The following C1orf87 variants were observed in gnomAD, a reference collection of about 807,000 sequenced individuals.
The protein encoded by C1orf87 is chromosome 1 open reading frame 87, also known as uncharacterized protein C1orf87.
Under a neutral mutation model 60.5 loss-of-function variants are expected in C1orf87, and 58 were observed. That is an observed-to-expected ratio of 0.96 (90% CI 0.78 to 1.19). C1orf87 has a LOEUF of 1.19. C1orf87 is among the 50% of genes most tolerant of loss of function. The pLI is 0.00. For missense variants in C1orf87, 673 were observed against 638.6 expected (o/e 1.05, Z -0.58); for synonymous variants, 236 against 227.4 (o/e 1.04, Z -0.34).
At chr1:60,023,950 A>AT (rs1185168732) in intron 8 of C1orf87, among the ~76,000 whole-genome samples, 1 of 152,090 alleles carries the variant, frequency 6.6e-6, no homozygotes, top group South Asian at 2.1e-4. Flanking sequence ...AAGACATTGT[A>AT]TTTTTTATCT....
intron 3 of C1orf87, among the ~76,000 whole-genome samples, chr1:60,050,416 ATGGTGCCT>A (rs1318822341): frequency 1.3e-5 from 2 of 151,552 alleles, no homozygotes; most frequent in African/African-American, 4.8e-5. Context: ...GCTATAGTAA[ATGGTGCCT>A]TTTCCTCCAT....
chr1:60,002,460 C>T (rs1323647417), intron 9 of C1orf87, among the ~76,000 whole-genome samples: 3 of 152,062 alleles, frequency 2.0e-5, no homozygotes, highest in Non-Finnish European at 4.4e-5. Flanking sequence ...ATGTCCTTCA[C>T]CCACTTTTTG....
chr1:60,060,577 T>C (rs139801183), intron 2 of C1orf87, among the ~76,000 whole-genome samples: 1 of 152,190 alleles, frequency 6.6e-6, no homozygotes, highest in African/African-American at 2.4e-5. Context: ...TTGTAGTAGA[T>C]AGGAACTCAA....
intron 8 of C1orf87, among the ~76,000 whole-genome samples, chr1:60,016,701 A>G (rs1039249456): frequency 6.6e-6 from 1 of 152,204 alleles, no homozygotes; most frequent in Non-Finnish European, 1.5e-5. Context: ...AAGAGGTGGT[A>G]GAAGGGCTAC....
At chr1:60,041,175 G>C in intron 3 of C1orf87, 44 bp from the exon 4 acceptor site, 1 of 1,442,898 alleles carries the variant, frequency 6.9e-7, no homozygotes, top group South Asian at 1.5e-5. Context: ...CAGAAGAGGA[G>C]GTAGGGAAGA....
intron 9 of C1orf87, among the ~76,000 whole-genome samples, chr1:60,003,333 AG>A (rs1409668181): frequency 5.0e-5 from 4 of 79,762 alleles, no homozygotes; most frequent in Non-Finnish European, 4.6e-5. Flanking sequence ...GGGTGGGGGG[AG>A]GGGGGAGGGA....
rs1645379935 is a variant in C1orf87 at position 60,047,371 on chromosome 1, T to C, written c.343-6240A>G. 3.3e-5 allele frequency among the ~76,000 whole-genome samples: 5 copies of C among 152,212 alleles called. No individual in the cohort carries two copies. In the South Asian group the frequency reaches 8.3e-4, roughly 25 times the overall value. On this transcript the variant is annotated intron_variant, in intron 3 of 11. Transcript: ENST00000371201. ...AATCTATTGCAATTATTATTTTTAT[T>C]GATGCCCAAATTATGTCGCTTTCAA...
chr1:60,060,777 C>A (rs1396612375), intron 2 of C1orf87, among the ~76,000 whole-genome samples: 2 of 151,958 alleles, frequency 1.3e-5, no homozygotes, highest in Non-Finnish European at 2.9e-5. Context: ...AAAAAAACAA[C>A]CCAAACATTG....
intron 2 of C1orf87, among the ~76,000 whole-genome samples, chr1:60,064,809 T>C (rs1645529032): frequency 1.1e-5 from 1 of 93,060 alleles, no homozygotes; most frequent in East Asian, 2.8e-4. Flanking sequence ...TAATTATATT[T>C]AATATATATA....
chr1:60,061,776 C>CAAAAAAAAAA lies in C1orf87; in HGVS notation c.108-6348_108-6339dup, dbSNP rs57844722. On this transcript the variant is annotated intron_variant, in intron 2 of 11. Transcript: ENST00000371201. The stretch of plus-strand genomic sequence containing the variant: ...CAACATGGCCAAACCCCATCTCTAC[C>CAAAAAAAAAA]AAAAAAAAAAAAAAAAAAAAAAAAA... Among the ~76,000 whole-genome samples the CAAAAAAAAAA allele has an allele frequency of 5.6e-5, 3 of 53,172 alleles. 1 individual carries two copies. The highest frequency in any genetic ancestry group is 1.0e-4 in the Non-Finnish European group (3 of 29,290). 34.9% of individuals were successfully genotyped at this position (53,172 alleles called of 152,430 possible).
chr1:60,071,709 T>C (rs1053862301), intron 2 of C1orf87, among the ~76,000 whole-genome samples: 1 of 152,200 alleles, frequency 6.6e-6, no homozygotes, highest in African/African-American at 2.4e-5. Flanking sequence ...ATTTTTGAGG[T>C]CTCTCCCAGT....
intron 9 of C1orf87, among the ~76,000 whole-genome samples, chr1:60,007,172 A>G (rs1645052798): frequency 6.6e-6 from 1 of 152,038 alleles, no homozygotes; most frequent in Non-Finnish European, 1.5e-5. Context: ...TAGGCCTCTC[A>G]AAGTGTTAGG....
At chr1:60,065,135 C>T (rs1247089609) in intron 2 of C1orf87, among the ~76,000 whole-genome samples, 1 of 131,910 alleles carries the variant, frequency 7.6e-6, no homozygotes, top group Admixed American at 8.3e-5. Flanking sequence ...CATGAGGCAA[C>T]CTTATACAAA....
intron 5 of C1orf87, among the ~76,000 whole-genome samples, chr1:60,039,228 A>G (rs1175731376): frequency 6.6e-6 from 1 of 152,092 alleles, no homozygotes; most frequent in Non-Finnish European, 1.5e-5. Context: ...TGTGCTGTCT[A>G]TTGCTTTGCT....
intron 9 of C1orf87, among the ~76,000 whole-genome samples, chr1:60,006,204 C>G (rs1031479487): frequency 6.6e-6 from 1 of 151,964 alleles, no homozygotes; most frequent in African/African-American, 2.4e-5. Context: ...CCATATAGAG[C>G]CTGAAGATGA....
chr1:60,004,074 G>T (rs770871014), intron 9 of C1orf87, among the ~76,000 whole-genome samples: 2 of 152,002 alleles, frequency 1.3e-5, no homozygotes, highest in African/African-American at 2.4e-5. Context: ...TGAAAGAAAA[G>T]CTTTCTGTTT....
At position 59,990,737 on chromosome 1, in the gene C1orf87, C is replaced by A; in HGVS notation, c.1577G>T (p.Arg526Leu). The A allele has an allele frequency of 6.2e-7, 1 of 1,614,046 alleles. No homozygotes were observed. The highest frequency in any genetic ancestry group is 8.5e-7 in the Non-Finnish European group (1 of 1,179,976). Residue 526 changes from arginine (R) to leucine (L), a missense_variant, in exon 12 of 12, where the codon CGC becomes CTC. Arg to Leu is a moderately radical substitution (Grantham distance 102). Transcript: ENST00000371201. ...LSPQKIDQALRRFRSGENMLL... is the reference protein window; with the variant it reads ...LSPQKIDQALLRFRSGENMLL... ...CATATTTTCTCCCGAACGGAATCTGCGCAAGGCCTGGTCGATTTTCTGAGG... is the reference window on the plus strand; with the variant it reads ...CATATTTTCTCCCGAACGGAATCTGAGCAAGGCCTGGTCGATTTTCTGAGG...
At chr1:59,997,909 T>C in intron 10 of C1orf87, 93 bp from the exon 11 acceptor site, 1 of 1,233,636 alleles carries the variant, frequency 8.1e-7, no homozygotes, top group South Asian at 1.4e-5. Context: ...CTAGCAAGAT[T>C]TATAGCAAGG....
chr1:60,040,063 C>A lies in C1orf87; in HGVS notation c.601G>T (p.Glu201Ter). ...GAGATTGGGTCCAGGATCTTCAGCT[C>A]TTTCTGAAGCTTTTCTAATAAGTTG... ...SSNLLEKLQK[E>*]LKILDPISSG... is the part of the protein sequence containing the mutation. The change falls in exon 5 of 12, where the codon GAG becomes TAG. Residue 201 changes from glutamate to a stop codon, truncating the protein, a stop_gained. Transcript: ENST00000371201. LOFTEE classifies it high-confidence loss of function. The A allele has an allele frequency of 6.2e-7, 1 of 1,614,204 alleles. No homozygotes were observed. The highest frequency in any genetic ancestry group is 8.5e-7 in the Non-Finnish European group (1 of 1,180,018).
Sources: gnomAD v4.1 joint callset for allele counts (sites outside exome capture counted in the v4.1 genomes callset) on GRCh38, gnomAD v4.1.1 for gene constraint, MANE v1.5 for transcripts, NCBI Gene and HGNC (gene_info 2026-07-23, HGNC 2026-07-21) for gene names.